Variants in ABCC1 observed in about 807,000 individuals in gnomAD.
The protein encoded by ABCC1 is multidrug resistance-associated protein 1.
ABCC1 carries 83 observed loss-of-function variants against 172.9 expected under a neutral mutation model. The ratio of observed to expected loss-of-function variants is 0.48; its 90% CI spans 0.40 to 0.58. ABCC1 has a LOEUF of 0.58. Among genes scored for constraint, ABCC1 ranks in the 20% least tolerant of loss-of-function variants. The pLI, the probability that ABCC1 is intolerant of heterozygous loss-of-function variation, is 0.00. For missense variants in ABCC1, 1,817 were observed against 2,002.7 expected, an observed-to-expected ratio of 0.91 and a Z score of 1.77; for synonymous variants, 937 against 825.2, an observed-to-expected ratio of 1.14 and a Z score of -2.32.
At chr16:16,046,069 C>T in intron 9 of ABCC1, 56 bp downstream of exon 9, 1 of 1,578,438 alleles carries the variant, frequency 6.3e-7, no homozygotes, top group Non-Finnish European at 8.6e-7. Flanking sequence ...CCTCCTGCAG[C>T]CCTGGGTTAC....
intron 24 of ABCC1, among the ~76,000 whole-genome samples, chr16:16,124,168 C>T (rs1026133064): frequency 1.3e-5 from 2 of 152,184 alleles, no homozygotes; most frequent in African/African-American, 4.8e-5. Context: ...CCAGATCTGT[C>T]TCGTAACAAG....
rs2045817372 is a variant in ABCC1 at position 15,949,678 on chromosome 16, C to G, written c.-74C>G. On this transcript the variant is annotated 5_prime_UTR_variant, in exon 1 of 31. Transcript: ENST00000399410. ...GGGCCCGATCACCCGCCGCCCGGTG[C>G]CCGCCGCCGCCCGCGCCAGCAACCG... 1.0e-6 allele frequency: 1 copy of G among 962,078 alleles called. No homozygotes were observed. Among genetic ancestry groups the G allele is most frequent in the Non-Finnish European group, 1.2e-6 (1 of 805,720 alleles). 59.6% of individuals were successfully genotyped at this position (962,078 alleles called of 1,614,324 possible).
intron 19 of ABCC1, among the ~76,000 whole-genome samples, chr16:16,099,889 G>A (rs2051648390): frequency 6.6e-6 from 1 of 152,170 alleles, no homozygotes; most frequent in East Asian, 1.9e-4. Context: ...TTTGAGACCA[G>A]CCTGGCCAAC....
chr16:16,126,468 C>T (rs1055249025), intron 26 of ABCC1, among the ~76,000 whole-genome samples: 4 of 152,168 alleles, frequency 2.6e-5, no homozygotes, highest in Non-Finnish European at 5.9e-5. Flanking sequence ...ACTGCAACCT[C>T]CTCCTCCCAG....
At chr16:16,104,925 G>A (rs535124919) in intron 20 of ABCC1, among the ~76,000 whole-genome samples, 3 of 152,090 alleles carry the variant, frequency 2.0e-5, no homozygotes, top group East Asian at 1.9e-4. Context: ...CTCTGAGTGC[G>A]GGGTCCACCG....
intron 1 of ABCC1, among the ~76,000 whole-genome samples, chr16:15,996,100 T>C (rs920754057): frequency 6.7e-6 from 1 of 150,262 alleles, no homozygotes; most frequent in African/African-American, 2.4e-5. Context: ...TTCTCCTGTC[T>C]CAGTCTCCTG....
intron 18 of ABCC1, among the ~76,000 whole-genome samples, chr16:16,089,880 C>CAAAAA (rs5815856): frequency 7.7e-5 from 8 of 104,324 alleles, no homozygotes; most frequent in Non-Finnish European, 1.5e-4. Flanking sequence ...AACTCTGTCT[C>CAAAAA]AAAAAAAAAA....
intron 5 of ABCC1, among the ~76,000 whole-genome samples, chr16:16,018,592 G>T (rs993450787): frequency 1.3e-5 from 2 of 152,008 alleles, no homozygotes; most frequent in Non-Finnish European, 2.9e-5. Flanking sequence ...ATGTTCTGAG[G>T]AGTCCCGTGT....
At chr16:16,011,688 G>A (rs927978113) in intron 3 of ABCC1, among the ~76,000 whole-genome samples, 3 of 151,604 alleles carry the variant, frequency 2.0e-5, no homozygotes, top group East Asian at 1.9e-4. Context: ...TTTTCCCCCC[G>A]AGATGGAGTT....
At chr16:16,082,779 C>G (rs1481225604) in intron 16 of ABCC1, among the ~76,000 whole-genome samples, 1 of 152,164 alleles carries the variant, frequency 6.6e-6, no homozygotes, top group Non-Finnish European at 1.5e-5. Flanking sequence ...TCCCAAGTAG[C>G]TGGGACTACA....
intron 19 of ABCC1, among the ~76,000 whole-genome samples, chr16:16,091,317 C>T (rs572883949): frequency 6.7e-6 from 1 of 150,342 alleles, no homozygotes; most frequent in African/African-American, 2.5e-5. Flanking sequence ...GTAATCCCAG[C>T]ACTTTGGGAG....
intron 19 of ABCC1, among the ~76,000 whole-genome samples, chr16:16,102,258 ATGCGT>A (rs1003210271): frequency 2.9e-4 from 44 of 152,170 alleles, no homozygotes; most frequent in African/African-American, 1.0e-3. Flanking sequence ...CCTTTCCCTC[ATGCGT>A]TTCCTTGCAT....
chr16:16,048,757 C>T (rs1232127355), intron 10 of ABCC1, among the ~76,000 whole-genome samples: 2 of 152,234 alleles, frequency 1.3e-5, no homozygotes, highest in African/African-American at 2.4e-5. Context: ...GAGGCCGAGG[C>T]GGGCAGATCA....
chr16:16,109,055 C>T (rs1269232928), intron 21 of ABCC1, among the ~76,000 whole-genome samples: 2 of 152,210 alleles, frequency 1.3e-5, no homozygotes. Flanking sequence ...TGTCTCCTCA[C>T]CCACATTTTT....
intron 26 of ABCC1, among the ~76,000 whole-genome samples, chr16:16,128,629 G>A (rs1372860952): frequency 6.6e-6 from 1 of 152,136 alleles, no homozygotes; most frequent in Non-Finnish European, 1.5e-5. Flanking sequence ...CGCTCACTGT[G>A]TTGTTATAGC....
At chr16:16,056,530 G>A (rs1440490642) in intron 12 of ABCC1, 9 of 551,128 alleles carry the variant, frequency 1.6e-5, no homozygotes, top group Non-Finnish European at 2.9e-5. Context: ...TAAGCCGGGT[G>A]TGGTGGCGCA....
intron 3 of ABCC1, among the ~76,000 whole-genome samples, chr16:16,011,070 C>G (rs1198059319): frequency 1.3e-5 from 2 of 151,998 alleles, no homozygotes; most frequent in Non-Finnish European, 2.9e-5. Flanking sequence ...CCCGTCTCTA[C>G]TAAAAATAAA....
intron 20 of ABCC1, among the ~76,000 whole-genome samples, chr16:16,104,345 G>A (rs1050625426): frequency 4.6e-5 from 7 of 152,060 alleles, no homozygotes. Flanking sequence ...AGTGTTGATT[G>A]GTCCGTTTTG....
chr16:15,964,789 A>G (rs1309695670), intron 1 of ABCC1, among the ~76,000 whole-genome samples: 2 of 152,054 alleles, frequency 1.3e-5, no homozygotes, highest in Non-Finnish European at 2.9e-5. Context: ...AAGTGCTGGG[A>G]TCAAAGTTTG....
Sources: allele counts gnomAD v4.1 joint callset (sites outside exome capture counted in the v4.1 genomes callset), GRCh38; gene constraint gnomAD v4.1.1; transcripts MANE v1.5; gene names NCBI Gene and HGNC (gene_info 2026-07-23, HGNC 2026-07-21).